Variants in CEP57 observed in about 807,000 individuals in gnomAD.
CEP57 encodes the protein centrosomal protein 57, also known as centrosomal protein of 57 kDa.
In CEP57, 40 loss-of-function variants were observed where a neutral mutation model predicts 68.0. That is an observed-to-expected ratio of 0.59 (90% CI 0.46 to 0.77). The LOEUF is 0.77. Ranked by LOEUF, CEP57 falls within the 30% of genes least tolerant of loss-of-function variation. CEP57 has a pLI of 0.00. For synonymous variants in CEP57, 219 were observed against 198.7 expected, an observed-to-expected ratio of 1.10 and a Z score of -0.86; for missense variants, 606 against 580.7, an observed-to-expected ratio of 1.04 and a Z score of -0.45.
At chr11:95,820,740 C>CA (rs976325149) in intron 6 of CEP57, among the ~76,000 whole-genome samples, 6 of 151,850 alleles carry the variant, frequency 4.0e-5, no homozygotes, top group Admixed American at 2.0e-4. Flanking sequence ...TTAAAATACT[C>CA]AAAAAAAAGT....
At chr11:95,824,108 T>C (rs1862636512) in intron 8 of CEP57, among the ~76,000 whole-genome samples, 1 of 148,338 alleles carries the variant, frequency 6.7e-6, no homozygotes, top group East Asian at 2.0e-4. Context: ...GATCCCGGCA[T>C]GTTGGCGTGC....
At position 95,831,412 on chromosome 11, in the gene CEP57, G is replaced by A. The variant is rs1863002203; in HGVS notation, c.*156G>A. ...TTCATTACACAGGCTTTTCATGTAT[G>A]CAGGATGACTCAATGTTAAAGCATT... On this transcript the variant is annotated 3_prime_UTR_variant, in exon 11 of 11. Coordinates refer to ENST00000325542, the MANE Select transcript of CEP57 (RefSeq NM_014679.5). 3 of 612,938 alleles carry A rather than the reference G, an allele frequency of 4.9e-6. No individual in the cohort carries two copies. The highest frequency in any genetic ancestry group is 2.0e-5 in the South Asian group (1 of 49,744). The allele number at this position is 612,938 out of a possible 1,614,324, so 38.0% of individuals were successfully genotyped here.
chr11:95,806,266 T>G (rs1179901643), intron 2 of CEP57, among the ~76,000 whole-genome samples: 1 of 152,226 alleles, frequency 6.6e-6, no homozygotes, highest in Non-Finnish European at 1.5e-5. Context: ...GGTTCCAAGA[T>G]GGCCAAATAG....
chr11:95,816,636 TATTA>T (rs1319424655), intron 4 of CEP57, among the ~76,000 whole-genome samples: 3 of 152,250 alleles, frequency 2.0e-5, no homozygotes, highest in Admixed American at 2.0e-4. Context: ...TATTGCTTTA[TATTA>T]ATTTGTCATA....
intron 2 of CEP57, among the ~76,000 whole-genome samples, chr11:95,803,532 C>G (rs1861665852): frequency 6.6e-6 from 1 of 151,992 alleles, no homozygotes; most frequent in African/African-American, 2.4e-5. Flanking sequence ...TTAGAGAAAT[C>G]AAAGATGCAT....
chr11:95,793,627 A>G (rs554185194), intron 1 of CEP57, among the ~76,000 whole-genome samples: 17 of 152,324 alleles, frequency 1.1e-4, no homozygotes, highest in African/African-American at 3.8e-4. Context: ...TTTATATAGG[A>G]CTACCTGGCA....
upstream of CEP57, chr11:95,790,375 C>G (rs529628618): frequency 6.5e-6 from 3 of 464,796 alleles, no homozygotes; most frequent in East Asian, 3.9e-5. Flanking sequence ...GTTGTCTGCC[C>G]CAGCGGGCCC....
At chr11:95,817,347 C>A (rs1054432271) in intron 4 of CEP57, among the ~76,000 whole-genome samples, 5 of 152,028 alleles carry the variant, frequency 3.3e-5, no homozygotes, top group Non-Finnish European at 5.9e-5. Context: ...GCCTGGGCGA[C>A]AGAGCGAGAC....
intron 8 of CEP57, chr11:95,823,335 G>A (rs1366556749): frequency 1.3e-5 from 2 of 152,168 alleles, no homozygotes; most frequent in South Asian, 4.1e-4. Context: ...TGAACAACAT[G>A]AGTCCGAACT....
chr11:95,803,605 G>A (rs1224715541), intron 2 of CEP57, among the ~76,000 whole-genome samples: 1 of 124,346 alleles, frequency 8.0e-6, no homozygotes, highest in Non-Finnish European at 1.6e-5. Context: ...CTGTGTTTAT[G>A]TTAATGACAG....
chr11:95,799,511 C>A, intron 2 of CEP57, 123 bp downstream of exon 2: 1 of 1,174,924 alleles, frequency 8.5e-7, no homozygotes, highest in Non-Finnish European at 1.3e-6. Context: ...CCAGTTTCAG[C>A]CCCCAGAAAA....
intron 6 of CEP57, among the ~76,000 whole-genome samples, chr11:95,821,634 C>T (rs1862520687): frequency 6.6e-6 from 1 of 152,028 alleles, no homozygotes; most frequent in African/African-American, 2.4e-5. Flanking sequence ...TAATGTGTTC[C>T]ACGCTGAAGA....
At chr11:95,819,609 A>G (rs1010073232) in intron 6 of CEP57, among the ~76,000 whole-genome samples, 2 of 152,142 alleles carry the variant, frequency 1.3e-5, no homozygotes, top group Non-Finnish European at 2.9e-5. Flanking sequence ...TTCCTCCCAG[A>G]TACTCCCCTG....
At chr11:95,823,186 C>G (rs1256013838) in intron 8 of CEP57, 1 of 152,264 alleles carries the variant, frequency 6.6e-6, no homozygotes, top group South Asian at 2.1e-4. Context: ...ATTCTGGCAT[C>G]TTGGGAAGTA....
At chr11:95,809,109 G>A (rs1248476806) in intron 2 of CEP57, among the ~76,000 whole-genome samples, 1 of 152,126 alleles carries the variant, frequency 6.6e-6, no homozygotes, top group Non-Finnish European at 1.5e-5. Context: ...ACTACTGGGT[G>A]AATAATGAAA....
chr11:95,797,075 C>T (rs188952904), intron 1 of CEP57, among the ~76,000 whole-genome samples: 36 of 151,548 alleles, frequency 2.4e-4, no homozygotes, highest in South Asian at 4.2e-4. Flanking sequence ...AATTATTGTC[C>T]GCTGGTCACT....
chr11:95,798,181 T>C (rs1211898578), intron 1 of CEP57, among the ~76,000 whole-genome samples: 1 of 152,236 alleles, frequency 6.6e-6, no homozygotes, highest in Non-Finnish European at 1.5e-5. Flanking sequence ...TTGTCCCCAC[T>C]TTTGATTGTC....
At chr11:95,803,718 G>T (rs911965441) in intron 2 of CEP57, among the ~76,000 whole-genome samples, 1 of 150,980 alleles carries the variant, frequency 6.6e-6, no homozygotes, top group Middle Eastern at 3.4e-3. Context: ...CTTGTAACTA[G>T]CTTCATTTTT....
intron 2 of CEP57, among the ~76,000 whole-genome samples, chr11:95,799,999 T>C (rs967723227): frequency 6.6e-6 from 1 of 152,202 alleles, no homozygotes; most frequent in Non-Finnish European, 1.5e-5. Flanking sequence ...TTGAAATACA[T>C]TTATTCCTGG....
Sources: gnomAD v4.1 joint callset for allele counts (sites outside exome capture counted in the v4.1 genomes callset) on GRCh38, gnomAD v4.1.1 for gene constraint, MANE v1.5 for transcripts, NCBI Gene and HGNC (gene_info 2026-07-23, HGNC 2026-07-21) for gene names.